NDUFS1: variants seen among roughly 807,000 people sequenced by gnomAD.
The protein encoded by NDUFS1 is NADH:ubiquinone oxidoreductase core subunit S1, also known as NADH-ubiquinone oxidoreductase 75 kDa subunit, mitochondrial.
Under a neutral mutation model 84.4 loss-of-function variants are expected in NDUFS1, and 61 were observed. That is an observed-to-expected ratio of 0.72 (90% confidence interval 0.59 to 0.89). NDUFS1 has a LOEUF of 0.89. Among genes scored for constraint, NDUFS1 ranks in the 40% least tolerant of loss-of-function variants. The pLI is 0.00. For missense variants in NDUFS1, 891 were observed against 890.0 expected (o/e 1.00, Z -0.01); for synonymous variants, 275 against 290.0 (o/e 0.95, Z 0.53).
At chr2:206,127,631 G>C (rs938777858) in intron 16 of NDUFS1, 166 bp downstream of exon 16, 15 of 730,862 alleles carry the variant, frequency 2.1e-5, no homozygotes, top group Admixed American at 1.9e-4. Context: ...AGAGCTCACT[G>C]TAACCTTGAA....
At chr2:206,130,386 A>G in intron 14 of NDUFS1, 144 bp from the exon 15 acceptor site, 1 of 1,089,962 alleles carries the variant, frequency 9.2e-7, no homozygotes, top group Non-Finnish European at 1.3e-6. Context: ...ATAGAGTCTC[A>G]CTTTGTCGCC....
chr2:206,149,983 GCT>G, intron 3 of NDUFS1, 58 bp from the exon 4 acceptor site: 1 of 1,152,206 alleles, frequency 8.7e-7, no homozygotes, highest in South Asian at 1.3e-5. Flanking sequence ...TGACTTCACT[GCT>G]GTTATTGCTG....
At chr2:206,151,688 G>C (rs955584463) in intron 3 of NDUFS1, among the ~76,000 whole-genome samples, 1 of 152,150 alleles carries the variant, frequency 6.6e-6, no homozygotes, top group Non-Finnish European at 1.5e-5. Context: ...GAAATATTTA[G>C]AGCATGAATG....
intron 8 of NDUFS1, 97 bp from the exon 9 acceptor site, chr2:206,145,123 C>T: frequency 8.5e-7 from 1 of 1,175,282 alleles, no homozygotes; most frequent in South Asian, 1.5e-5. Flanking sequence ...AATTAATTCC[C>T]TTTCTGAATT....
rs1333972670 is a variant in NDUFS1 at position 206,130,301 on chromosome 2, A to G, written c.1554-59T>C. 1.9e-6 allele frequency: 3 copies of G among 1,585,608 alleles called. No individual in the cohort carries two copies. In the Admixed American group the frequency reaches 5.1e-5, roughly 27 times the overall value. On this transcript the variant is annotated intron_variant, in intron 14 of 18. Transcript: ENST00000233190. ...CAGTATTTTCAATGTAAAAAATTAA[A>G]TGTGATTTTTGGAATAATTTCCTTT...
At chr2:206,152,103 C>T (rs1214657431) in intron 3 of NDUFS1, among the ~76,000 whole-genome samples, 1 of 152,046 alleles carries the variant, frequency 6.6e-6, no homozygotes, top group Admixed American at 6.6e-5. Flanking sequence ...CTGAATGATC[C>T]GCCCGCCTCG....
At chr2:206,132,189 A>G (rs1276800449) in intron 14 of NDUFS1, among the ~76,000 whole-genome samples, 1 of 152,150 alleles carries the variant, frequency 6.6e-6, no homozygotes, top group Non-Finnish European at 1.5e-5. Context: ...GCATGAAAAT[A>G]GTAATAATTA....
chr2:206,143,565 T>TC (rs1692045350), intron 10 of NDUFS1, among the ~76,000 whole-genome samples: 1 of 151,748 alleles, frequency 6.6e-6, no homozygotes, highest in Admixed American at 6.6e-5. Flanking sequence ...TCTTTAAGAA[T>TC]CACCTTCTGT....
intron 16 of NDUFS1, 36 bp downstream of exon 16, chr2:206,127,761 T>C: frequency 3.1e-6 from 5 of 1,605,888 alleles, no homozygotes; most frequent in Non-Finnish European, 4.3e-6. Context: ...AATATGCCTT[T>C]AGTAGCATCA....
chr2:206,128,771 ACT>A (rs1241054921), intron 15 of NDUFS1, among the ~76,000 whole-genome samples: 1 of 151,328 alleles, frequency 6.6e-6, no homozygotes, highest in Non-Finnish European at 1.5e-5. Flanking sequence ...ACAGAGTGAG[ACT>A]CTATCTCAAA....
At position 206,120,902 on chromosome 2, in the gene NDUFS1, A is replaced by G. The variant is rs1691077195; in HGVS notation, c.*3283T>C. Reference sequence around the variant, plus strand: ...CAGCCTCCCAAGTAGCTGGGGCTATAGCTTGTGCCATCATGCTCAGCTATT... The same window carrying G: ...CAGCCTCCCAAGTAGCTGGGGCTATGGCTTGTGCCATCATGCTCAGCTATT... On this transcript the variant is annotated 3_prime_UTR_variant, in exon 19 of 19. Coordinates refer to ENST00000233190, the MANE Select transcript of NDUFS1 (RefSeq NM_005006.7). 6.6e-6 allele frequency: 1 copy of G among 152,276 alleles called. No homozygotes were observed. The highest frequency in any genetic ancestry group is 2.4e-5 in the African/African-American group (1 of 41,482). 9.4% of individuals were successfully genotyped at this position (152,276 alleles called of 1,614,324 possible). A position where few individuals can be genotyped will look rare whatever the true frequency, so the allele number is the denominator to read the frequency against.
At chr2:206,132,852 G>T in intron 14 of NDUFS1, 93 bp downstream of exon 14, 2 of 1,176,080 alleles carry the variant, frequency 1.7e-6, no homozygotes, top group Non-Finnish European at 1.2e-6. Flanking sequence ...GCTAAATGTT[G>T]TTTGTAAATT....
Position 206,130,179 on chromosome 2 carries a change from C to A in NDUFS1, c.1617G>T (p.Lys539Asn). ...GYKPGVEAIR[K>N]NPPKVLFLLG... ...GGAGAAACAGCACCTTGGGAGGGTTCTTCCGAATTGCTTCCACCCCAGGCT... is the reference window on the plus strand; with the variant it reads ...GGAGAAACAGCACCTTGGGAGGGTTATTCCGAATTGCTTCCACCCCAGGCT... Residue 539 changes from lysine to asparagine, a missense_variant, in exon 15 of 19, where the codon AAG (lysine) becomes AAT (asparagine). Physicochemically the swap from Lys to Asn is moderately conservative, Grantham distance 94. Transcript: ENST00000233190. 2 of 1,614,206 alleles carry A rather than the reference C, an allele frequency of 1.2e-6. No individual in the cohort carries two copies. Among genetic ancestry groups the A allele is most frequent in the Non-Finnish European group, 1.7e-6 (2 of 1,180,042 alleles).
rs754204863 is a variant in NDUFS1 at position 206,124,102 on chromosome 2, C to T, written c.*83G>A. 2.3e-5 allele frequency: 20 copies of T among 863,140 alleles called. No homozygotes were observed. Among genetic ancestry groups the T allele is most frequent in the Non-Finnish European group, 3.3e-5 (17 of 521,552 alleles). The allele number at this position is 863,140 out of a possible 1,614,324, so 53.5% of individuals were successfully genotyped here. A position where few individuals can be genotyped will look rare whatever the true frequency, so the allele number is the denominator to read the frequency against. The stretch of plus-strand genomic sequence containing the variant: ...TTCAAATTATTATTATTTTTTTTTA[C>T]AAAGAAATAAACCTGTAAAGGATCA... On this transcript the variant is annotated 3_prime_UTR_variant, in exon 19 of 19. Coordinates refer to ENST00000233190, the MANE Select transcript of NDUFS1 (RefSeq NM_005006.7).
chr2:206,146,513 C>A (rs1032976677), intron 8 of NDUFS1, among the ~76,000 whole-genome samples: 3 of 152,152 alleles, frequency 2.0e-5, no homozygotes, highest in Admixed American at 6.6e-5. Context: ...ATATTTTTTA[C>A]AGATTTGTAA....
At position 206,138,466 on chromosome 2, in the gene NDUFS1, A is replaced by G. The variant is rs770145746; in HGVS notation, c.1392+19T>C. The G allele has an allele frequency of 4.3e-6, 7 of 1,609,352 alleles. No homozygotes were observed. ...TAATTAAAAATCAACAAGAGTAGAT[A>G]CACATAAGTTGAGAGCACCTGGCTA... On this transcript the variant is annotated intron_variant, in intron 13 of 18. Transcript: ENST00000233190.
intron 18 of NDUFS1, among the ~76,000 whole-genome samples, chr2:206,124,791 A>C (rs1314238157): frequency 6.6e-6 from 1 of 151,710 alleles, no homozygotes; most frequent in Non-Finnish European, 1.5e-5. Flanking sequence ...GTGAGCCGAG[A>C]TCACACCACT....
chr2:206,116,217 A>G lies in NDUFS1; in HGVS notation c.*7968T>C, dbSNP rs1262642074. On this transcript the variant is annotated 3_prime_UTR_variant, in exon 19 of 19. Coordinates refer to ENST00000233190, the MANE Select transcript of NDUFS1 (RefSeq NM_005006.7). Reference sequence around the variant, plus strand: ...ATCTTGATCAGCCAACCATCTTCATAACGAGATTTGTTTACAAGTCCTGGA... The same window carrying G: ...ATCTTGATCAGCCAACCATCTTCATGACGAGATTTGTTTACAAGTCCTGGA... 2.2e-5 allele frequency: 30 copies of G among 1,371,492 alleles called. No homozygotes were observed. Among genetic ancestry groups the G allele is most frequent in the Admixed American group, 3.3e-5 (2 of 59,742 alleles). The allele number at this position is 1,371,492 out of a possible 1,614,324, so 85.0% of individuals were successfully genotyped here.
chr2:206,132,819 A>T, intron 14 of NDUFS1, 126 bp downstream of exon 14: 1 of 802,996 alleles, frequency 1.2e-6, no homozygotes, highest in South Asian at 1.6e-5. Flanking sequence ...TCTATATTTC[A>T]CATGTGTAAC....
Sources: allele counts gnomAD v4.1 joint callset (sites outside exome capture counted in the v4.1 genomes callset), GRCh38; gene constraint gnomAD v4.1.1; transcripts MANE v1.5; gene names NCBI Gene and HGNC (gene_info 2026-07-23, HGNC 2026-07-21).